LTBP1: variants seen among roughly 807,000 people sequenced by gnomAD.
The protein encoded by LTBP1 is latent transforming growth factor beta binding protein 1.
Under a neutral mutation model 207.6 loss-of-function variants are expected in LTBP1, and 129 were observed. That is an observed-to-expected ratio of 0.62 (90% confidence interval 0.54 to 0.72). LTBP1 has a LOEUF of 0.72. LTBP1 is among the 30% of genes least tolerant of loss of function. The pLI is 0.00. For synonymous variants in LTBP1, 963 were observed against 833.7 expected (o/e 1.16, Z -2.67); for missense variants, 2,281 against 2,217.2 (o/e 1.03, Z -0.58).
intron 24 of LTBP1, among the ~76,000 whole-genome samples, chr2:33,332,049 C>T (rs751682390): frequency 6.6e-6 from 1 of 151,740 alleles, no homozygotes; most frequent in Non-Finnish European, 1.5e-5. Flanking sequence ...AAAAATAAAA[C>T]GTTGCAAGTT....
chr2:33,268,344 T>A (rs1429590865), intron 15 of LTBP1, among the ~76,000 whole-genome samples: 1 of 152,226 alleles, frequency 6.6e-6, no homozygotes, highest in African/African-American at 2.4e-5. Flanking sequence ...TTACTGTTAG[T>A]TTCTCCCATG....
chr2:32,973,310 A>C (rs924443871), intron 2 of LTBP1, among the ~76,000 whole-genome samples: 1 of 152,106 alleles, frequency 6.6e-6, no homozygotes, highest in Non-Finnish European at 1.5e-5. Context: ...TGTTTTATGA[A>C]TCTGGGTGCT....
chr2:33,087,628 C>T (rs930894512), intron 3 of LTBP1, among the ~76,000 whole-genome samples: 7 of 152,138 alleles, frequency 4.6e-5, no homozygotes, highest in African/African-American at 1.2e-4. Flanking sequence ...TGTCCTGCCC[C>T]CAGCTTCAAT....
chr2:33,318,174 T>C (rs1436339960), intron 24 of LTBP1, among the ~76,000 whole-genome samples: 1 of 152,188 alleles, frequency 6.6e-6, no homozygotes, highest in African/African-American at 2.4e-5. Context: ...GAAATACTTC[T>C]AGCCCTAAGC....
At chr2:33,025,797 AATT>A (rs1307780451) in intron 3 of LTBP1, among the ~76,000 whole-genome samples, 1 of 152,186 alleles carries the variant, frequency 6.6e-6, no homozygotes, top group African/African-American at 2.4e-5. Flanking sequence ...TTGAGGTGGT[AATT>A]ATTGAAGCTT....
intron 3 of LTBP1, among the ~76,000 whole-genome samples, chr2:33,036,363 A>G (rs1230748448): frequency 6.6e-6 from 1 of 152,132 alleles, no homozygotes; most frequent in African/African-American, 2.4e-5. Context: ...ACAGTAGCCC[A>G]TTATGTCAGT....
chr2:33,143,618 A>G (rs1198955113), intron 5 of LTBP1, among the ~76,000 whole-genome samples: 1 of 152,190 alleles, frequency 6.6e-6, no homozygotes, highest in African/African-American at 2.4e-5. Flanking sequence ...ACTTCACTGT[A>G]CTTTCTACTC....
At chr2:33,371,251 A>G (rs545570101) in intron 31 of LTBP1, among the ~76,000 whole-genome samples, 217 of 152,336 alleles carry the variant, frequency 1.4e-3, no homozygotes, top group Middle Eastern at 3.4e-3. Context: ...TGGATGTATC[A>G]TGGACTGACT....
intron 18 of LTBP1, among the ~76,000 whole-genome samples, chr2:33,276,439 A>G (rs1280735268): frequency 6.6e-6 from 1 of 152,242 alleles, no homozygotes; most frequent in Non-Finnish European, 1.5e-5. Flanking sequence ...GACCACAGCA[A>G]TGAGCTTTCT....
intron 10 of LTBP1, among the ~76,000 whole-genome samples, chr2:33,248,665 C>T (rs1400280752): frequency 4.0e-5 from 6 of 151,142 alleles, no homozygotes; most frequent in Non-Finnish European, 8.8e-5. Flanking sequence ...CAGCTTACTG[C>T]AACTTCCGCC....
intron 3 of LTBP1, chr2:33,061,284 T>C (rs2077260490): frequency 6.6e-6 from 1 of 152,186 alleles, no homozygotes; most frequent in Non-Finnish European, 1.5e-5. Flanking sequence ...TATAAACACT[T>C]TGTCATGCAT....
At chr2:33,181,510 C>T (rs542642812) in intron 5 of LTBP1, among the ~76,000 whole-genome samples, 2 of 152,130 alleles carry the variant, frequency 1.3e-5, no homozygotes, top group African/African-American at 2.4e-5. Context: ...ACAGTTGTAC[C>T]GTGAGATACT....
intron 7 of LTBP1, among the ~76,000 whole-genome samples, chr2:33,190,928 G>T (rs573692146): frequency 6.6e-6 from 1 of 152,300 alleles, no homozygotes; most frequent in East Asian, 1.9e-4. Flanking sequence ...TAGCTTAAAA[G>T]TAAAGACAAT....
At chr2:33,133,140 C>G (rs926049037) in intron 4 of LTBP1, among the ~76,000 whole-genome samples, 1 of 152,116 alleles carries the variant, frequency 6.6e-6, no homozygotes, top group African/African-American at 2.4e-5. Flanking sequence ...CTCTGGGGCC[C>G]CATTCCAACC....
chr2:33,382,365 G>A (rs141001074), intron 31 of LTBP1, among the ~76,000 whole-genome samples: 4,144 of 152,100 alleles, frequency 0.027, 114 homozygotes, highest in Non-Finnish European at 0.038. Flanking sequence ...AAAGTGCTGG[G>A]ATTATAGGCG....
At chr2:33,097,339 T>C (rs1196096612) in intron 3 of LTBP1, among the ~76,000 whole-genome samples, 1 of 152,146 alleles carries the variant, frequency 6.6e-6, no homozygotes, top group African/African-American at 2.4e-5. Flanking sequence ...AAAATAAAAG[T>C]CAATATGTAA....
At chr2:33,186,337 C>T (rs576233019) in intron 5 of LTBP1, among the ~76,000 whole-genome samples, 7 of 152,186 alleles carry the variant, frequency 4.6e-5, no homozygotes, top group Non-Finnish European at 7.4e-5. Context: ...GCATGCAATG[C>T]GTAATCACAT....
chr2:33,359,700 A>G (rs2094904742), intron 26 of LTBP1, among the ~76,000 whole-genome samples: 1 of 152,234 alleles, frequency 6.6e-6, no homozygotes, highest in South Asian at 2.1e-4. Flanking sequence ...ACTGGATCAT[A>G]GGCAGTAATT....
intron 20 of LTBP1, among the ~76,000 whole-genome samples, chr2:33,299,190 C>T (rs986970151): frequency 1.3e-5 from 2 of 149,726 alleles, no homozygotes; most frequent in African/African-American, 2.5e-5. Flanking sequence ...TGCAGTGAGC[C>T]GAGATAGCGC....
Sources: gnomAD v4.1 joint callset for allele counts (sites outside exome capture counted in the v4.1 genomes callset) on GRCh38, gnomAD v4.1.1 for gene constraint, MANE v1.5 for transcripts, NCBI Gene and HGNC (gene_info 2026-07-23, HGNC 2026-07-21) for gene names.